The following CNTNAP2 variants were observed in gnomAD, a reference collection of about 807,000 sequenced individuals.
CNTNAP2 encodes the protein contactin associated protein 2, also known as contactin-associated protein-like 2.
A neutral mutation model predicts 155.2 loss-of-function variants in CNTNAP2; 98 were observed. The observed-to-expected ratio is 0.63, with a 90% confidence interval of 0.54 to 0.75. The LOEUF is 0.75. CNTNAP2 is among the 30% of genes least tolerant of loss of function. The pLI is 0.00. For synonymous variants in CNTNAP2, 651 were observed against 631.2 expected (o/e 1.03, Z -0.47); for missense variants, 1,727 against 1,688.1 (o/e 1.02, Z -0.40).
chr7:147,722,785 C>T (rs927428232), intron 13 of CNTNAP2, among the ~76,000 whole-genome samples: 2 of 152,058 alleles, frequency 1.3e-5, no homozygotes. Context: ...GCAACACCTG[C>T]TACTGTGTAG....
intron 8 of CNTNAP2, among the ~76,000 whole-genome samples, chr7:147,140,121 G>A (rs1010188152): frequency 5.9e-5 from 9 of 151,822 alleles, no homozygotes; most frequent in African/African-American, 2.2e-4. Context: ...TATAATTACA[G>A]TTGTGCCTAG....
At chr7:148,198,283 A>G (rs573836849) in intron 18 of CNTNAP2, among the ~76,000 whole-genome samples, 1 of 152,312 alleles carries the variant, frequency 6.6e-6, no homozygotes, top group East Asian at 1.9e-4. Context: ...CTTTGAGGTG[A>G]TAGGTTTGGC....
chr7:147,271,355 T>C (rs997151621), intron 8 of CNTNAP2, among the ~76,000 whole-genome samples: 4 of 152,192 alleles, frequency 2.6e-5, no homozygotes, highest in African/African-American at 4.8e-5. Flanking sequence ...TGCAGCATGA[T>C]GTCTAATGTC....
chr7:146,842,991 A>C (rs1585118188), intron 3 of CNTNAP2, among the ~76,000 whole-genome samples: 16 of 28,204 alleles, frequency 5.7e-4, no homozygotes, highest in Admixed American at 1.4e-3. Flanking sequence ...GGCCTGTCCC[A>C]CACTTTTTTT....
At chr7:148,074,390 A>G (rs1364447224) in intron 15 of CNTNAP2, among the ~76,000 whole-genome samples, 7 of 152,138 alleles carry the variant, frequency 4.6e-5, no homozygotes, top group Non-Finnish European at 1.0e-4. Context: ...TACATAGTTG[A>G]TATTAAATTA....
chr7:146,560,649 G>A (rs923296864), intron 1 of CNTNAP2, among the ~76,000 whole-genome samples: 5 of 152,120 alleles, frequency 3.3e-5, no homozygotes, highest in African/African-American at 9.7e-5. Context: ...ATACTTTTGT[G>A]TCAAGTGAGT....
intron 3 of CNTNAP2, among the ~76,000 whole-genome samples, chr7:146,986,221 T>A (rs1437375329): frequency 6.6e-6 from 1 of 152,162 alleles, no homozygotes. Flanking sequence ...TCTCATAGCT[T>A]AGCTCTCACT....
chr7:147,530,876 A>G (rs941950400), intron 11 of CNTNAP2, among the ~76,000 whole-genome samples: 1 of 152,212 alleles, frequency 6.6e-6, no homozygotes, highest in African/African-American at 2.4e-5. Flanking sequence ...ATGAGCCTGT[A>G]AAATCAAAAG....
rs559225464 is a variant in CNTNAP2, at chr7:147,269,145, T to C, written c.1349-30996T>C. On this transcript the variant is annotated intron_variant, in intron 8 of 23. Transcript: ENST00000361727. ...TCCTGAATCTAAAGCTTAATTCACC[T>C]TGCAGTAAATTCTCCTCTGTTTGGT... 9.2e-5 allele frequency among the ~76,000 whole-genome samples: 14 copies of C among 152,288 alleles called. No individual in the cohort carries two copies. The East Asian group carries it at 2.7e-3, about 29-fold the overall frequency.
chr7:148,037,773 T>C (rs1310322746), intron 15 of CNTNAP2, among the ~76,000 whole-genome samples: 2 of 152,252 alleles, frequency 1.3e-5, no homozygotes, highest in Non-Finnish European at 2.9e-5. Context: ...AAGCTTATCA[T>C]AGACATGTAT....
intron 1 of CNTNAP2, among the ~76,000 whole-genome samples, chr7:146,404,093 C>A (rs1203448443): frequency 3.7e-5 from 5 of 136,310 alleles, no homozygotes; most frequent in African/African-American, 9.5e-5. Context: ...CCACTGCACT[C>A]CAGCCTGGGC....
chr7:146,961,501 CT>C (rs1797557932), intron 3 of CNTNAP2, among the ~76,000 whole-genome samples: 1 of 152,202 alleles, frequency 6.6e-6, no homozygotes. Flanking sequence ...CATTTTCTCT[CT>C]AAGGGTAACT....
At position 147,229,487 on chromosome 7, in the gene CNTNAP2, C is replaced by A. The variant is rs184615604; in HGVS notation, c.1349-70654C>A. 2.5e-3 allele frequency among the ~76,000 whole-genome samples: 385 copies of A among 152,282 alleles called. 1 individual carries two copies. Among genetic ancestry groups the A allele is most frequent in the African/African-American group, 8.5e-3 (353 of 41,546 alleles). Reference sequence around the variant, plus strand: ...GTGTTTACACAAATCAAAACAGAAACCTCTATACTATAAGTTACACAGTGT... The same window carrying A: ...GTGTTTACACAAATCAAAACAGAAAACTCTATACTATAAGTTACACAGTGT... On this transcript the variant is annotated intron_variant, in intron 8 of 23. Transcript: ENST00000361727.
intron 2 of CNTNAP2, among the ~76,000 whole-genome samples, chr7:146,797,589 G>A (rs966893361): frequency 1.3e-5 from 2 of 152,198 alleles, no homozygotes; most frequent in Non-Finnish European, 2.9e-5. Flanking sequence ...TTTAAGTAAA[G>A]CAGGGTAGAA....
At chr7:146,500,738 C>A (rs957594160) in intron 1 of CNTNAP2, among the ~76,000 whole-genome samples, 1 of 152,048 alleles carries the variant, frequency 6.6e-6, no homozygotes, top group Non-Finnish European at 1.5e-5. Context: ...TTTTATCTGG[C>A]CAGAACCACC....
At chr7:148,229,121 T>C (rs1397020556) in intron 19 of CNTNAP2, among the ~76,000 whole-genome samples, 1 of 152,200 alleles carries the variant, frequency 6.6e-6, no homozygotes, top group Non-Finnish European at 1.5e-5. Context: ...ATTGTAAATA[T>C]GTGCGAGCCT....
intron 1 of CNTNAP2, among the ~76,000 whole-genome samples, chr7:146,160,168 G>T (rs930135054): frequency 2.0e-5 from 3 of 152,174 alleles, no homozygotes; most frequent in African/African-American, 7.2e-5. Flanking sequence ...CAACATACCA[G>T]AATCTCTGGG....
At chr7:146,563,950 C>A (rs1462693015) in intron 1 of CNTNAP2, among the ~76,000 whole-genome samples, 2 of 152,056 alleles carry the variant, frequency 1.3e-5, no homozygotes, top group African/African-American at 2.4e-5. Flanking sequence ...ATCTTGGGCC[C>A]AGAGATATTG....
Position 146,148,753 on chromosome 7 carries a change from A to G in CNTNAP2, c.97+31780A>G, listed in dbSNP as rs551284059. On this transcript the variant is annotated intron_variant, in intron 1 of 23. Coordinates refer to ENST00000361727, the MANE Select transcript of CNTNAP2 (RefSeq NM_014141.6). ...ATGTATAAGAATATAGCATTCTATT[A>G]TACACAGGAGAACATGATACATTAA... Among the ~76,000 whole-genome samples, 3 of 152,316 alleles carry G rather than the reference A, an allele frequency of 2.0e-5. No individual in the cohort carries two copies. The South Asian group carries it at 6.2e-4, about 32-fold the overall frequency.
Sources: gnomAD v4.1 joint callset for allele counts (sites outside exome capture counted in the v4.1 genomes callset) on GRCh38, gnomAD v4.1.1 for gene constraint, MANE v1.5 for transcripts, NCBI Gene and HGNC (gene_info 2026-07-23, HGNC 2026-07-21) for gene names.